The following MAP3K7CL variants were observed in gnomAD, a reference collection of about 807,000 sequenced individuals.
MAP3K7CL encodes MAP3K7 C-terminal like.
Under a neutral mutation model 18.6 loss-of-function variants are expected in MAP3K7CL, and 16 were observed. The observed-to-expected ratio is 0.86, with a 90% CI of 0.58 to 1.31. MAP3K7CL has a LOEUF of 1.31. MAP3K7CL is among the 50% of genes most tolerant of loss of function. The pLI is 0.00. For synonymous variants in MAP3K7CL, 65 were observed against 66.8 expected (o/e 0.97, Z 0.13); for missense variants, 163 against 174.4 (o/e 0.93, Z 0.37).
intron 4 of MAP3K7CL, among the ~76,000 whole-genome samples, chr21:29,117,255 C>T (rs919141059): frequency 6.6e-6 from 1 of 152,124 alleles, no homozygotes; most frequent in Non-Finnish European, 1.5e-5. Flanking sequence ...GTGGACTCTT[C>T]TAGGAAATCT....
Position 29,174,773 on chromosome 21 carries a change from G to T in MAP3K7CL, c.310G>T (p.Val104Phe). ...GGAGAAGGTGGATGCTGCTGAGCTGGTTCGGGAATTCGAGGCTCTGACGGA... is the reference window on the plus strand; with the variant it reads ...GGAGAAGGTGGATGCTGCTGAGCTGTTTCGGGAATTCGAGGCTCTGACGGA... ...EKEKVDAAELVREFEALTEEN... is the reference protein window; with the variant it reads ...EKEKVDAAELFREFEALTEEN... The change falls in exon 5 of 5, where the codon GTT becomes TTT. Residue 104 changes from valine to phenylalanine, a missense_variant. By Grantham distance (50) the Val-to-Phe change is conservative. Coordinates refer to ENST00000399928, the MANE Select transcript of MAP3K7CL (RefSeq NM_001286620.2). The T allele has an allele frequency of 3.1e-6, 5 of 1,614,180 alleles. No homozygotes were observed. The highest frequency in any genetic ancestry group is 4.2e-6 in the Non-Finnish European group (5 of 1,180,016).
chr21:29,149,356 T>C, intron 3 of MAP3K7CL, 106 bp downstream of exon 3: 2 of 962,598 alleles, frequency 2.1e-6, no homozygotes, highest in Non-Finnish European at 3.3e-6. Context: ...GGACCCAGAA[T>C]GTGGGGCTTT....
chr21:29,086,233 T>C (rs1357622112), intron 1 of MAP3K7CL, among the ~76,000 whole-genome samples: 1 of 152,188 alleles, frequency 6.6e-6, no homozygotes, highest in East Asian at 1.9e-4. Context: ...TTTAGTAAAC[T>C]AAATGATCCG....
At chr21:29,147,264 C>G (rs1168261847) in intron 2 of MAP3K7CL, among the ~76,000 whole-genome samples, 1 of 151,704 alleles carries the variant, frequency 6.6e-6, no homozygotes, top group African/African-American at 2.4e-5. Context: ...TGTATGTGTA[C>G]TATATGTATA....
chr21:29,104,657 G>A (rs2832176), intron 4 of MAP3K7CL, among the ~76,000 whole-genome samples: 7,772 of 152,256 alleles, frequency 0.051, 461 homozygotes, highest in East Asian at 0.17. Context: ...TCACACACAG[G>A]AAAGGCTGGG....
chr21:29,114,483 C>G (rs1290958316), intron 4 of MAP3K7CL, among the ~76,000 whole-genome samples: 1 of 152,122 alleles, frequency 6.6e-6, no homozygotes, highest in South Asian at 2.1e-4. Context: ...CTCGACCTCT[C>G]GAGCTCAATT....
chr21:29,150,771 C>CTTTT (rs34512099), intron 3 of MAP3K7CL, among the ~76,000 whole-genome samples: 3 of 127,156 alleles, frequency 2.4e-5, no homozygotes, highest in Non-Finnish European at 1.6e-5. Flanking sequence ...TCTACCTTTC[C>CTTTT]TTTTTTTTTT....
At chr21:29,131,558 TA>T (rs1373988714) in intron 1 of MAP3K7CL, 5 of 152,194 alleles carry the variant, frequency 3.3e-5, no homozygotes, top group Admixed American at 1.3e-4. Flanking sequence ...ACAGATATTT[TA>T]TATTACTCTT....
At position 29,107,435 on chromosome 21, in the gene MAP3K7CL, G is replaced by A. The variant is rs117524275; in HGVS notation, c.370+14854G>A. Among the ~76,000 whole-genome samples the A allele has an allele frequency of 3.9e-5, 6 of 152,302 alleles. No homozygotes were observed. The East Asian group carries it at 9.6e-4, about 24-fold the overall frequency. On this transcript the variant is annotated intron_variant, in intron 4 of 6. Transcript: ENST00000286791. ...GAGACTGCCGGCAGCCCAAACAAGA[G>A]TGATTTCCCTTTTGTGATCCTATTT...
chr21:29,144,171 G>C (rs948690650), intron 2 of MAP3K7CL, among the ~76,000 whole-genome samples: 4 of 149,196 alleles, frequency 2.7e-5, no homozygotes, highest in Non-Finnish European at 5.9e-5. Context: ...TTTTTGAGAC[G>C]GAGTCTAGCT....
chr21:29,163,298 G>A (rs1182487779), intron 4 of MAP3K7CL, among the ~76,000 whole-genome samples: 1 of 152,112 alleles, frequency 6.6e-6, no homozygotes, highest in Admixed American at 6.6e-5. Context: ...CAAAGTACTT[G>A]AAGTGTCTCC....
chr21:29,164,391 G>T (rs2832230), intron 4 of MAP3K7CL, among the ~76,000 whole-genome samples: 35,228 of 152,128 alleles, frequency 0.23, 5,173 homozygotes, highest in African/African-American at 0.41. Context: ...AGCTGATTAT[G>T]TTGCCTCTAG....
intron 3 of MAP3K7CL, among the ~76,000 whole-genome samples, chr21:29,151,819 T>G (rs1267795630): frequency 5.3e-5 from 8 of 152,224 alleles, no homozygotes; most frequent in Admixed American, 5.2e-4. Context: ...CAGATAATTT[T>G]TCTGTTAAAG....
At chr21:29,103,788 C>T (rs1408489997) in intron 4 of MAP3K7CL, among the ~76,000 whole-genome samples, 1 of 151,502 alleles carries the variant, frequency 6.6e-6, no homozygotes, top group Non-Finnish European at 1.5e-5. Flanking sequence ...GTCCCAGCTA[C>T]TCAGGGAGGC....
intron 2 of MAP3K7CL, chr21:29,145,822 C>T (rs1325429679): frequency 6.6e-6 from 1 of 152,132 alleles, no homozygotes; most frequent in East Asian, 1.9e-4. Context: ...TTGCTTGACT[C>T]TCTAAAACAT....
At chr21:29,132,787 G>A (rs1966854121) in intron 1 of MAP3K7CL, among the ~76,000 whole-genome samples, 1 of 152,128 alleles carries the variant, frequency 6.6e-6, no homozygotes, top group Non-Finnish European at 1.5e-5. Context: ...TGGGGTTACA[G>A]GCATGAGCCA....
intron 4 of MAP3K7CL, among the ~76,000 whole-genome samples, chr21:29,171,179 C>T (rs906715720): frequency 4.6e-5 from 7 of 152,076 alleles, no homozygotes; most frequent in African/African-American, 1.7e-4. Flanking sequence ...ATTTTTAAAA[C>T]ATAAATTACT....
At chr21:29,089,943 C>T (rs974427662) in intron 1 of MAP3K7CL, among the ~76,000 whole-genome samples, 1 of 151,098 alleles carries the variant, frequency 6.6e-6, no homozygotes, top group African/African-American at 2.4e-5. Context: ...GGAGGAAAGA[C>T]AGGAAGGAGG....
chr21:29,166,019 A>C (rs1469851711), intron 4 of MAP3K7CL, among the ~76,000 whole-genome samples: 2 of 152,218 alleles, frequency 1.3e-5, no homozygotes, highest in African/African-American at 4.8e-5. Context: ...GAGAACATTC[A>C]AAATCCTCTC....
Sources: allele counts gnomAD v4.1 joint callset (sites outside exome capture counted in the v4.1 genomes callset), GRCh38; gene constraint gnomAD v4.1.1; transcripts MANE v1.5; gene names NCBI Gene and HGNC (gene_info 2026-07-23, HGNC 2026-07-21).